The following MGA variants were observed in gnomAD, a reference collection of about 807,000 sequenced individuals.
MGA encodes MAX gene-associated protein.
Under a neutral mutation model 261.1 loss-of-function variants are expected in MGA, and 40 were observed. The ratio of observed to expected loss-of-function variants is 0.15; its 90% CI spans 0.12 to 0.20. MGA has a LOEUF of 0.20. MGA is among the 10% of genes least tolerant of loss of function. The pLI is 1.00. For missense variants in MGA, 3,397 were observed against 3,630.5 expected (o/e 0.94, Z 1.65); for synonymous variants, 1,302 against 1,290.6 (o/e 1.01, Z -0.19).
At chr15:41,664,766 G>C (rs889665669) in intron 1 of MGA, among the ~76,000 whole-genome samples, 17 of 151,714 alleles carry the variant, frequency 1.1e-4, no homozygotes, top group African/African-American at 3.9e-4. Context: ...TTTTTTGCCA[G>C]TTCTTTAAGC....
chr15:41,745,273 A>G (rs1200548540), intron 15 of MGA, among the ~76,000 whole-genome samples: 2 of 125,024 alleles, frequency 1.6e-5, no homozygotes, highest in African/African-American at 5.6e-5. Context: ...ACACCCAAGA[A>G]TGATCAATAA....
At chr15:41,721,978 A>G (rs541653381) in intron 9 of MGA, among the ~76,000 whole-genome samples, 4 of 152,354 alleles carry the variant, frequency 2.6e-5, no homozygotes, top group African/African-American at 9.6e-5. Context: ...ATTCAGTGAA[A>G]TAACATACCA....
chr15:41,684,338 C>T, intron 2 of MGA: 2 of 442,402 alleles, frequency 4.5e-6, no homozygotes, highest in South Asian at 3.2e-5. Context: ...TACATAATGC[C>T]AACAAAAAAA....
chr15:41,713,099 G>C, intron 8 of MGA, 52 bp from the exon 9 acceptor site: 1 of 1,577,488 alleles, frequency 6.3e-7, no homozygotes, highest in East Asian at 2.2e-5. Flanking sequence ...TAAGTTGGTG[G>C]TGGTGTAGGG....
Position 41,750,426 on chromosome 15 carries a change from C to T in MGA, c.6819C>T (p.His2273=), listed in dbSNP as rs933944088. 6.2e-7 allele frequency: 1 copy of T among 1,613,536 alleles called. No individual in the cohort carries two copies. Among genetic ancestry groups the T allele is most frequent in the Non-Finnish European group, 8.5e-7 (1 of 1,179,504 alleles). ...GAGGGAATGGACATTTTCAGGGTCACTTACTGCTACCTGGAGAACAGATAC... is the reference window on the plus strand; with the variant it reads ...GAGGGAATGGACATTTTCAGGGTCATTTACTGCTACCTGGAGAACAGATAC... The change falls in exon 17 of 24, where the codon CAC becomes CAT. Residue 2273 remains histidine, a synonymous_variant. Transcript: ENST00000219905.
intron 13 of MGA, 71 bp downstream of exon 13, chr15:41,736,769 C>T (rs1721355988): frequency 7.1e-7 from 1 of 1,413,544 alleles, no homozygotes; most frequent in Non-Finnish European, 9.4e-7. Flanking sequence ...TTTTCAGAGC[C>T]CTTTATGGTC....
intron 1 of MGA, among the ~76,000 whole-genome samples, chr15:41,639,966 C>A (rs2150612688): frequency 1.3e-5 from 2 of 152,220 alleles, no homozygotes; most frequent in Admixed American, 1.3e-4. Context: ...AGTGTGCTGA[C>A]CAATCTGTCA....
rs754560732 is a variant in MGA at position 41,669,754 on chromosome 15, C to T, written c.860C>T (p.Ser287Phe). The T allele has an allele frequency of 6.2e-7, 1 of 1,613,722 alleles. No individual in the cohort carries two copies. Among genetic ancestry groups the T allele is most frequent in the African/African-American group, 1.3e-5 (1 of 74,922 alleles). The change falls in exon 2 of 24, where the codon TCT becomes TTT. Residue 287 changes from serine (S) to phenylalanine (F), a missense_variant. Coordinates refer to ENST00000219905, the MANE Select transcript of MGA (RefSeq NM_001164273.2). ...CAAGAAGGGAATAATATTTCCAGTTCTTCTGGTCATCGGGTCCGTCTTACA... is the reference window on the plus strand; with the variant it reads ...CAAGAAGGGAATAATATTTCCAGTTTTTCTGGTCATCGGGTCCGTCTTACA...
intron 2 of MGA, among the ~76,000 whole-genome samples, chr15:41,679,282 G>A (rs28810086): frequency 0.55 from 84,298 of 151,928 alleles, 25,198 homozygotes; most frequent in Middle Eastern, 0.72. Context: ...TGATCCGCCC[G>A]CCTTGGCCTC....
chr15:41,641,099 TC>T (rs1439340248), intron 1 of MGA, among the ~76,000 whole-genome samples: 1 of 152,180 alleles, frequency 6.6e-6, no homozygotes, highest in African/African-American at 2.4e-5. Context: ...CAAAATGAGG[TC>T]CTTTGTGATC....
chr15:41,714,451 A>T (rs1241597838), intron 9 of MGA, among the ~76,000 whole-genome samples: 1 of 152,192 alleles, frequency 6.6e-6, no homozygotes, highest in Non-Finnish European at 1.5e-5. Context: ...CATGTTAAAC[A>T]TTTGTAGATG....
chr15:41,678,382 C>T (rs952543555), intron 2 of MGA, among the ~76,000 whole-genome samples: 10 of 151,668 alleles, frequency 6.6e-5, no homozygotes, highest in African/African-American at 2.2e-4. Context: ...TGAGCCACCA[C>T]GCCGGAGTGT....
At chr15:41,666,327 C>T (rs1373580494) in intron 1 of MGA, among the ~76,000 whole-genome samples, 2 of 152,218 alleles carry the variant, frequency 1.3e-5, no homozygotes, top group Non-Finnish European at 2.9e-5. Flanking sequence ...TCTTTTCTGT[C>T]TTTCCAGAGA....
rs1406284811 is a variant in MGA at position 41,696,708 on chromosome 15, C to T, written c.1698C>T (p.Leu566=). 1.1e-5 allele frequency: 17 copies of T among 1,612,422 alleles called. No homozygotes were observed. The highest frequency in any genetic ancestry group is 3.3e-5 in the Admixed American group (2 of 59,728). The change falls in exon 3 of 24, where the codon CTC becomes CTT. Residue 566 remains leucine (L), a synonymous_variant. Coordinates refer to ENST00000219905, the MANE Select transcript of MGA (RefSeq NM_001164273.2). Reference sequence around the variant, plus strand: ...ACAGCATTAGCACAGAAAGAATACTCGACGATTCAAAGGATTCAGTTGGAG... The same window carrying T: ...ACAGCATTAGCACAGAAAGAATACTTGACGATTCAAAGGATTCAGTTGGAG...
At chr15:41,661,961 G>A (rs1015559140) in intron 1 of MGA, among the ~76,000 whole-genome samples, 7 of 152,024 alleles carry the variant, frequency 4.6e-5, no homozygotes, top group African/African-American at 9.7e-5. Context: ...CTTTCCTTGC[G>A]GCATTTTTTC....
At chr15:41,691,700 T>G (rs756382728) in intron 2 of MGA, 1 of 444,330 alleles carries the variant, frequency 2.3e-6, no homozygotes, top group East Asian at 6.2e-5. Flanking sequence ...TATAGAACAT[T>G]AGTTTTTCTT....
Position 41,736,311 on chromosome 15 carries a change from C to A in MGA, c.4047C>A (p.Asn1349Lys). The A allele has an allele frequency of 6.2e-7, 1 of 1,613,946 alleles. No individual in the cohort carries two copies. The highest frequency in any genetic ancestry group is 1.1e-5 in the South Asian group (1 of 91,082). The change falls in exon 13 of 24, where the codon AAC (asparagine) becomes AAA (lysine). Residue 1349 changes from asparagine to lysine, a missense_variant. Around this residue, in one of 9 missense-constraint regions of MGA, gnomAD observed 1,410 missense variants for 1,386.4 expected, o/e 1.02. Transcript: ENST00000219905. ...ACTGCAACTGGGAGGAAGATCGGAA[C>A]AAGATTTTGAGCATCTTATCCCAGC... is the stretch of plus-strand genomic sequence containing the variant.
chr15:41,656,683 G>A (rs147848902), upstream of MGA, among the ~76,000 whole-genome samples: 9 of 151,754 alleles, frequency 5.9e-5, no homozygotes, highest in Non-Finnish European at 1.0e-4. Flanking sequence ...ATTATATTCC[G>A]TAACATTTCT....
At chr15:41,726,690 T>C (rs972589102) in intron 9 of MGA, among the ~76,000 whole-genome samples, 1 of 151,554 alleles carries the variant, frequency 6.6e-6, no homozygotes, top group Admixed American at 6.6e-5. Flanking sequence ...GATTGCGCCA[T>C]TGCACTCCAC....
Sources: allele counts gnomAD v4.1 joint callset (sites outside exome capture counted in the v4.1 genomes callset), GRCh38; gene constraint gnomAD v4.1.1; regional missense constraint gnomAD v4.1.1; transcripts MANE v1.5; gene names NCBI Gene and HGNC (gene_info 2026-07-23, HGNC 2026-07-21).